ARMC3: variants seen among roughly 807,000 people sequenced by gnomAD.
ARMC3 encodes the protein armadillo repeat containing 3, also known as armadillo repeat-containing protein 3.
A neutral mutation model predicts 90.3 loss-of-function variants in ARMC3; 74 were observed. The observed-to-expected ratio is 0.82, with a 90% CI of 0.68 to 0.99. ARMC3 has a LOEUF of 0.99. ARMC3 is among the 50% of genes least tolerant of loss of function. ARMC3 has a pLI of 0.00. For synonymous variants in ARMC3, 334 were observed against 361.8 expected (o/e 0.92, Z 0.87); for missense variants, 958 against 1,042.8 (o/e 0.92, Z 1.12).
intron 10 of ARMC3, among the ~76,000 whole-genome samples, chr10:22,982,367 G>A (rs756382153): frequency 6.6e-6 from 1 of 152,198 alleles, no homozygotes; most frequent in Non-Finnish European, 1.5e-5. Context: ...GCAACAGAGC[G>A]AGGCTCCGCT....
intron 16 of ARMC3, among the ~76,000 whole-genome samples, chr10:23,028,553 T>C (rs1319706319): frequency 1.3e-5 from 2 of 152,200 alleles, no homozygotes; most frequent in Non-Finnish European, 2.9e-5. Flanking sequence ...GAGTCTTATT[T>C]ATGGGTTTTA....
chr10:23,022,010 C>T (rs1564402043), intron 16 of ARMC3, among the ~76,000 whole-genome samples: 2 of 151,498 alleles, frequency 1.3e-5, no homozygotes, highest in Non-Finnish European at 2.9e-5. Flanking sequence ...ATAGATTGTG[C>T]TTTTGGTGTC....
chr10:23,009,325 G>A (rs1461194939), intron 16 of ARMC3, among the ~76,000 whole-genome samples: 2 of 152,194 alleles, frequency 1.3e-5, no homozygotes, highest in African/African-American at 4.8e-5. Flanking sequence ...CCAGATGTGT[G>A]GTCCCACGCT....
intron 16 of ARMC3, among the ~76,000 whole-genome samples, chr10:23,020,923 A>C (rs908289462): frequency 1.3e-5 from 2 of 152,156 alleles, no homozygotes. Flanking sequence ...GCCCAATACC[A>C]ACAGGTAGGT....
intron 8 of ARMC3, among the ~76,000 whole-genome samples, chr10:22,970,293 T>G (rs747564922): frequency 2.0e-5 from 3 of 151,968 alleles, no homozygotes; most frequent in Admixed American, 6.6e-5. Flanking sequence ...AGGAACAGGG[T>G]GTATAAAAGC....
intron 12 of ARMC3, among the ~76,000 whole-genome samples, chr10:23,002,437 A>G (rs1354995047): frequency 6.6e-6 from 1 of 152,172 alleles, no homozygotes; most frequent in African/African-American, 2.4e-5. Context: ...TAAAACTTTC[A>G]CCAGAATTCC....
chr10:22,973,753 C>CTTTTTTTTTTTTTTTT (rs56405413), intron 8 of ARMC3, among the ~76,000 whole-genome samples: 1 of 79,926 alleles, frequency 1.3e-5, no homozygotes, highest in African/African-American at 5.6e-5. Context: ...CTTTGTCTTT[C>CTTTTTTTTTTTTTTTT]TTTTTTTTTT....
At chr10:22,947,531 T>C (rs1382875184) in intron 3 of ARMC3, among the ~76,000 whole-genome samples, 1 of 152,206 alleles carries the variant, frequency 6.6e-6, no homozygotes, top group Non-Finnish European at 1.5e-5. Context: ...AAAACTGTCA[T>C]GGCTATCTAC....
At chr10:22,943,819 G>A (rs1417569329) in intron 2 of ARMC3, among the ~76,000 whole-genome samples, 2 of 151,978 alleles carry the variant, frequency 1.3e-5, no homozygotes, top group Non-Finnish European at 2.9e-5. Context: ...TGTAATCCCA[G>A]CTACTCAGGA....
At chr10:22,989,212 G>A (rs1588884816) in intron 10 of ARMC3, among the ~76,000 whole-genome samples, 1 of 152,158 alleles carries the variant, frequency 6.6e-6, no homozygotes, top group South Asian at 2.1e-4. Context: ...AAAAGATTCC[G>A]ATCTGAAAAT....
At chr10:22,959,846 C>T (rs1199277583) in intron 6 of ARMC3, 1 of 523,602 alleles carries the variant, frequency 1.9e-6, no homozygotes, top group East Asian at 4.9e-5. Flanking sequence ...ATAAAATGTA[C>T]TTCTTTTGAA....
intron 8 of ARMC3, 111 bp downstream of exon 8, chr10:22,968,600 C>A: frequency 1.0e-6 from 1 of 958,628 alleles, no homozygotes; most frequent in African/African-American, 1.7e-5. Context: ...CCCCAGGTTA[C>A]AAGTGATTCT....
Position 23,008,276 on chromosome 10 carries a change from T to C in ARMC3, c.1830T>C (p.Val610=). ...AVLLINSKSY[V]SPPSSMEDKS... ...TAATTTTAAATGTGTAAAATTTTAG[T>C]TCTCCACCTTCATCTATGGAAGATA... The change falls in exon 15 of 19, where the codon GTT becomes GTC. Residue 610 remains valine (V), a splice_region_variant and synonymous_variant. Coordinates refer to ENST00000298032, the MANE Select transcript of ARMC3 (RefSeq NM_173081.5). The C allele has an allele frequency of 6.8e-7, 1 of 1,468,860 alleles. No individual in the cohort carries two copies. The highest frequency in any genetic ancestry group is 9.3e-7 in the Non-Finnish European group (1 of 1,080,204). The allele number at this position is 1,468,860 out of a possible 1,614,324, so 91.0% of individuals were successfully genotyped here.
At chr10:23,016,367 C>T (rs1481565242) in intron 16 of ARMC3, among the ~76,000 whole-genome samples, 6 of 152,140 alleles carry the variant, frequency 3.9e-5, no homozygotes, top group East Asian at 1.9e-4. Flanking sequence ...TGTCAATAAG[C>T]GATTTAGAGC....
At chr10:23,009,793 G>C (rs747896896) in intron 16 of ARMC3, among the ~76,000 whole-genome samples, 1 of 152,136 alleles carries the variant, frequency 6.6e-6, no homozygotes. Flanking sequence ...CACCCTGCTC[G>C]GCCCCACATG....
chr10:22,937,706 G>A (rs1205196044), intron 2 of ARMC3, among the ~76,000 whole-genome samples: 2 of 152,134 alleles, frequency 1.3e-5, no homozygotes, highest in Non-Finnish European at 2.9e-5. Context: ...CAGATTTAGA[G>A]CCCTCTCTCC....
chr10:23,035,332 G>A (rs566838658), intron 18 of ARMC3, among the ~76,000 whole-genome samples: 1 of 152,162 alleles, frequency 6.6e-6, no homozygotes, highest in East Asian at 1.9e-4. Context: ...AGGGATTAGG[G>A]CTTCAACATA....
In ARMC3 at chr10:23,032,962, A is replaced by C. The variant is rs138775480; in HGVS notation, c.2348A>C (p.Asn783Thr). 1.9e-6 allele frequency: 3 copies of C among 1,613,046 alleles called. No homozygotes were observed. In the African/African-American group the frequency reaches 4.0e-5, roughly 22 times the overall value. ...ISELKFQLKS[N>T]VIPIGHVKKG... ...GAACTGAAATTTCAACTTAAATCCA[A>C]TGTTATACCGATTGGACATGTCAAA... is the stretch of plus-strand genomic sequence containing the variant. The change falls in exon 18 of 19, where the codon AAT becomes ACT. Residue 783 changes from asparagine (N) to threonine (T), a missense_variant. Physicochemically the swap from Asn to Thr is moderately conservative, Grantham distance 65. Transcript: ENST00000298032.
chr10:23,006,310 G>C (rs1386950673), intron 13 of ARMC3, among the ~76,000 whole-genome samples: 1 of 152,124 alleles, frequency 6.6e-6, no homozygotes, highest in East Asian at 1.9e-4. Context: ...CAGTGTCCTG[G>C]GCAGAAGAAT....
Sources: gnomAD v4.1 joint callset for allele counts (sites outside exome capture counted in the v4.1 genomes callset) on GRCh38, gnomAD v4.1.1 for gene constraint, MANE v1.5 for transcripts, NCBI Gene and HGNC (gene_info 2026-07-23, HGNC 2026-07-21) for gene names.